The following ARHGAP15 variants were observed in gnomAD, a reference collection of about 807,000 sequenced individuals.
The protein encoded by ARHGAP15 is rho GTPase-activating protein 15.
Under a neutral mutation model 63.7 loss-of-function variants are expected in ARHGAP15, and 51 were observed. That is an observed-to-expected ratio of 0.80 (90% CI 0.64 to 1.01). The LOEUF is 1.01. Ranked by LOEUF, ARHGAP15 falls within the 50% of genes least tolerant of loss-of-function variation. The pLI, the probability that ARHGAP15 is intolerant of heterozygous loss-of-function variation, is 0.00. For missense variants in ARHGAP15, 560 were observed against 564.6 expected, an observed-to-expected ratio of 0.99 and a Z score of 0.08; for synonymous variants, 191 against 193.8, an observed-to-expected ratio of 0.99 and a Z score of 0.12.
At chr2:143,266,707 A>C (rs1681015992) in intron 6 of ARHGAP15, among the ~76,000 whole-genome samples, 1 of 152,164 alleles carries the variant, frequency 6.6e-6, no homozygotes, top group Non-Finnish European at 1.5e-5. Context: ...CATTGTATGG[A>C]CAAAATTCTT....
chr2:143,229,939 T>C (rs1207354835), intron 5 of ARHGAP15, among the ~76,000 whole-genome samples: 1 of 152,230 alleles, frequency 6.6e-6, no homozygotes, highest in Non-Finnish European at 1.5e-5. Context: ...AAATTAAAAA[T>C]ATATCTCAGT....
chr2:143,266,724 T>G (rs1465359920), intron 6 of ARHGAP15, among the ~76,000 whole-genome samples: 2 of 152,150 alleles, frequency 1.3e-5, no homozygotes, highest in Non-Finnish European at 2.9e-5. Context: ...TCTTATGCTT[T>G]TTTTCATAAA....
At chr2:143,572,979 C>T (rs915813743) in intron 11 of ARHGAP15, among the ~76,000 whole-genome samples, 4 of 151,938 alleles carry the variant, frequency 2.6e-5, no homozygotes, top group African/African-American at 9.7e-5. Context: ...TAAAAAAATA[C>T]CTCTAGATAC....
intron 12 of ARHGAP15, among the ~76,000 whole-genome samples, chr2:143,645,679 C>T (rs1680836757): frequency 6.6e-6 from 1 of 151,938 alleles, no homozygotes; most frequent in East Asian, 1.9e-4. Flanking sequence ...TGGTAGGGAA[C>T]ATAAGATCAA....
intron 11 of ARHGAP15, among the ~76,000 whole-genome samples, chr2:143,589,833 A>G (rs751115605): frequency 3.5e-4 from 53 of 152,218 alleles, no homozygotes; most frequent in Non-Finnish European, 6.0e-4. Context: ...ACATAAAGTG[A>G]AACTGTTAAA....
chr2:143,469,949 C>CTCTCTCTCTTTTTTTT (rs1691435966), intron 8 of ARHGAP15, among the ~76,000 whole-genome samples: 1 of 151,794 alleles, frequency 6.6e-6, no homozygotes, highest in Non-Finnish European at 1.5e-5. Context: ...GACTCTCTCA[C>CTCTCTCTCTTTTTTTT]TCTCTCTCTT....
chr2:143,748,381 A>C (rs1686247244), intron 13 of ARHGAP15, among the ~76,000 whole-genome samples: 1 of 152,148 alleles, frequency 6.6e-6, no homozygotes, highest in African/African-American at 2.4e-5. Flanking sequence ...TTGATAACTA[A>C]ATCACTCTAA....
chr2:143,170,475 T>C (rs1177807872), intron 2 of ARHGAP15, among the ~76,000 whole-genome samples: 4 of 152,104 alleles, frequency 2.6e-5, no homozygotes, highest in African/African-American at 7.2e-5. Context: ...ACTTTAAAGA[T>C]ACCTGATACC....
At chr2:143,371,258 T>C (rs893857080) in intron 6 of ARHGAP15, among the ~76,000 whole-genome samples, 9 of 152,226 alleles carry the variant, frequency 5.9e-5, no homozygotes, top group African/African-American at 2.2e-4. Context: ...CCTATTAACC[T>C]GTCATCTAGG....
chr2:143,364,521 A>G (rs1210974394), intron 6 of ARHGAP15, among the ~76,000 whole-genome samples: 1 of 152,212 alleles, frequency 6.6e-6, no homozygotes, highest in Non-Finnish European at 1.5e-5. Flanking sequence ...GTGCTAGACA[A>G]TTACAAGTAT....
chr2:143,408,696 A>G (rs942260006), intron 6 of ARHGAP15, among the ~76,000 whole-genome samples: 6 of 151,958 alleles, frequency 3.9e-5, no homozygotes, highest in African/African-American at 1.4e-4. Context: ...ATAATTGCAA[A>G]AAAGTAAAAT....
chr2:143,340,462 G>A (rs1240622588), intron 6 of ARHGAP15, among the ~76,000 whole-genome samples: 1 of 151,754 alleles, frequency 6.6e-6, no homozygotes. Context: ...TCTTAGTGAT[G>A]TAATTTTCAT....
At chr2:143,192,103 C>T (rs1691705892) in intron 2 of ARHGAP15, among the ~76,000 whole-genome samples, 1 of 152,182 alleles carries the variant, frequency 6.6e-6, no homozygotes, top group East Asian at 1.9e-4. Flanking sequence ...TATTTCTACA[C>T]TTTAGTGGTA....
intron 8 of ARHGAP15, among the ~76,000 whole-genome samples, chr2:143,450,602 A>C (rs751845833): frequency 7.2e-5 from 11 of 151,958 alleles, no homozygotes; most frequent in Non-Finnish European, 1.5e-4. Context: ...TATATTTTTT[A>C]CCTCGCAAGT....
At chr2:143,471,472 G>T (rs1434634882) in intron 8 of ARHGAP15, among the ~76,000 whole-genome samples, 1 of 151,914 alleles carries the variant, frequency 6.6e-6, no homozygotes, top group Admixed American at 6.6e-5. Context: ...ATTATTAAAA[G>T]AAGTAAAATA....
At chr2:143,335,016 T>C (rs989286976) in intron 6 of ARHGAP15, among the ~76,000 whole-genome samples, 2 of 152,196 alleles carry the variant, frequency 1.3e-5, no homozygotes, top group Non-Finnish European at 2.9e-5. Context: ...TATAATGTCA[T>C]CAAACTCACG....
intron 6 of ARHGAP15, among the ~76,000 whole-genome samples, chr2:143,272,413 T>C (rs1192155469): frequency 2.0e-5 from 3 of 152,026 alleles, no homozygotes; most frequent in Non-Finnish European, 4.4e-5. Flanking sequence ...GATAGATCAT[T>C]TGAGGTCAGG....
chr2:143,640,791 C>G (rs1289919738), intron 12 of ARHGAP15: 1 of 152,066 alleles, frequency 6.6e-6, no homozygotes, highest in East Asian at 1.9e-4. Flanking sequence ...TACTGATATG[C>G]TTATAAATTA....
intron 1 of ARHGAP15, among the ~76,000 whole-genome samples, chr2:143,134,674 A>G (rs970297186): frequency 9.0e-5 from 13 of 144,812 alleles, no homozygotes; most frequent in African/African-American, 3.4e-4. Flanking sequence ...TCACTCTGTC[A>G]CCCAAGCTGG....
Sources: gnomAD v4.1 joint callset for allele counts (sites outside exome capture counted in the v4.1 genomes callset) on GRCh38, gnomAD v4.1.1 for gene constraint, MANE v1.5 for transcripts, NCBI Gene and HGNC (gene_info 2026-07-23, HGNC 2026-07-21) for gene names.